Variants in DMD observed in about 807,000 individuals in gnomAD.
The protein encoded by DMD is dystrophin, also known as mutant dystrophin.
In DMD, 63 loss-of-function variants were observed where a neutral mutation model predicts 330.1. The observed-to-expected ratio is 0.19, with a 90% confidence interval of 0.16 to 0.24. The LOEUF (loss-of-function observed/expected upper bound fraction) is 0.24. Ranked by LOEUF, DMD falls within the 10% of genes least tolerant of loss-of-function variation. DMD has a pLI of 1.00. For synonymous variants in DMD, 1,223 were observed against 959.8 expected, an observed-to-expected ratio of 1.27 and a Z score of -5.07; for missense variants, 3,344 against 2,684.1, an observed-to-expected ratio of 1.25 and a Z score of -5.43.
intron 67 of DMD, among the ~76,000 whole-genome samples, chrX:31,203,747 C>T (rs1020154177): frequency 9.0e-6 from 1 of 111,527 alleles, no homozygotes; most frequent in South Asian, 3.8e-4. Context: ...GTCCCTGCTG[C>T]AGATGGAGAT....
chrX:31,149,687 T>C (rs1037308444), intron 74 of DMD, among the ~76,000 whole-genome samples: 1 of 111,950 alleles, frequency 8.9e-6, no homozygotes, highest in African/African-American at 3.2e-5. Context: ...CATTGATTTT[T>C]TATTTTTAAT....
rs780448549 is a variant in DMD at position 32,809,620 on chromosome X, C to A, written c.531-9G>T. The A allele has an allele frequency of 2.6e-6, 3 of 1,138,169 alleles. No individual in the cohort carries two copies. Among genetic ancestry groups the A allele is most frequent in the East Asian group, 3.0e-5 (1 of 33,495 alleles). The allele number at this position is 1,138,169 out of a possible 1,213,427, so 93.8% of individuals were successfully genotyped here. A position where few individuals can be genotyped will look rare whatever the true frequency, so the allele number is the denominator to read the frequency against. ...AGTCAAATAGGTCTGGCCTAAAACACATACACATACACACATACACAAAGA... is the reference window on the plus strand; with the variant it reads ...AGTCAAATAGGTCTGGCCTAAAACAAATACACATACACACATACACAAAGA... On this transcript the variant is annotated splice_polypyrimidine_tract_variant and intron_variant, in intron 6 of 78. Coordinates refer to ENST00000357033, the MANE Select transcript of DMD (RefSeq NM_004006.3).
intron 34 of DMD, among the ~76,000 whole-genome samples, chrX:32,378,739 C>T (rs1450238694): frequency 1.8e-5 from 2 of 110,484 alleles, no homozygotes; most frequent in African/African-American, 6.5e-5. Flanking sequence ...TTGGAATGAT[C>T]GGCAACTACA....
intron 37 of DMD, among the ~76,000 whole-genome samples, chrX:32,349,331 A>G (rs905308293): frequency 1.8e-5 from 2 of 111,665 alleles, no homozygotes; most frequent in African/African-American, 6.5e-5. Flanking sequence ...TTAATAAAAT[A>G]CATTGATACT....
intron 18 of DMD, among the ~76,000 whole-genome samples, chrX:32,513,641 G>T (rs890000304): frequency 2.7e-5 from 3 of 111,355 alleles, no homozygotes; most frequent in Non-Finnish European, 5.7e-5. Flanking sequence ...GAATAAAGGA[G>T]GTCTGGGGAA....
chrX:32,126,077 C>T (rs991266092), intron 44 of DMD, among the ~76,000 whole-genome samples: 3 of 111,939 alleles, frequency 2.7e-5, no homozygotes, highest in African/African-American at 6.5e-5. Flanking sequence ...TTCACACTTA[C>T]GGGTAGAGAG....
At chrX:31,353,488 G>T (rs2058525899) in intron 60 of DMD, among the ~76,000 whole-genome samples, 1 of 111,914 alleles carries the variant, frequency 8.9e-6, no homozygotes, top group Non-Finnish European at 1.9e-5. Context: ...CAATGTAAAA[G>T]AAGGTACATA....
intron 43 of DMD, among the ~76,000 whole-genome samples, chrX:32,272,745 C>T (rs2097369964): frequency 2.7e-5 from 3 of 112,060 alleles, no homozygotes; most frequent in Admixed American, 1.9e-4. Flanking sequence ...GAACCCATGC[C>T]TGGCACATAG....
intron 45 of DMD, among the ~76,000 whole-genome samples, chrX:31,967,847 T>C (rs1008602705): frequency 5.2e-4 from 58 of 111,961 alleles, no homozygotes; most frequent in African/African-American, 1.8e-3. Context: ...ATTAAACTTG[T>C]ACCTCTTTGG....
At chrX:31,596,345 C>T (rs2077113707) in intron 55 of DMD, among the ~76,000 whole-genome samples, 1 of 111,750 alleles carries the variant, frequency 8.9e-6, no homozygotes, top group Non-Finnish European at 1.9e-5. Context: ...AAATTTCAAG[C>T]GATGATGAAT....
intron 1 of DMD, among the ~76,000 whole-genome samples, chrX:33,141,412 G>T (rs9887129): frequency 0.078 from 8,662 of 110,942 alleles, 363 homozygotes; most frequent in South Asian, 0.2. Context: ...GTCAAAAGTT[G>T]TAAACGAGCA....
At chrX:31,278,796 G>A (rs1283249038) in intron 62 of DMD, among the ~76,000 whole-genome samples, 2 of 112,026 alleles carry the variant, frequency 1.8e-5, no homozygotes, top group Admixed American at 1.9e-4. Context: ...TGGCAAGTGT[G>A]TGCCTGACAG....
chrX:32,723,393 G>C (rs182533485), intron 7 of DMD, among the ~76,000 whole-genome samples: 12 of 110,652 alleles, frequency 1.1e-4, no homozygotes, highest in Non-Finnish European at 1.9e-4. Flanking sequence ...CTTCTCTTGC[G>C]GTGTCTGTTT....
At chrX:32,173,228 A>C (rs1399701775) in intron 44 of DMD, among the ~76,000 whole-genome samples, 1 of 109,995 alleles carries the variant, frequency 9.1e-6, no homozygotes, top group African/African-American at 3.3e-5. Context: ...TCATGAGTAC[A>C]GTAGTATCCC....
At chrX:32,651,706 C>CCTTATTT (rs2060168216) in intron 9 of DMD, among the ~76,000 whole-genome samples, 1 of 111,571 alleles carries the variant, frequency 9.0e-6, no homozygotes, top group Non-Finnish European at 1.9e-5. Flanking sequence ...TCCATGATGT[C>CCTTATTT]CTTATTTCAC....
At chrX:32,547,857 G>A (rs1412787189) in intron 16 of DMD, among the ~76,000 whole-genome samples, 6 of 111,134 alleles carry the variant, frequency 5.4e-5, no homozygotes, top group Non-Finnish European at 1.1e-4. Flanking sequence ...ACAACCAGAG[G>A]AATCCTGCCT....
intron 7 of DMD, among the ~76,000 whole-genome samples, chrX:32,726,157 T>C (rs1368354274): frequency 1.8e-5 from 2 of 111,456 alleles, no homozygotes; most frequent in African/African-American, 6.5e-5. Context: ...ATGACACTAC[T>C]ATAAACTATT....
intron 63 of DMD, among the ~76,000 whole-genome samples, chrX:31,254,804 C>G (rs755723078): frequency 1.1e-4 from 12 of 110,590 alleles, no homozygotes; most frequent in Non-Finnish European, 2.1e-4. Context: ...CTGTGGGAGG[C>G]CAAGGTGGGA....
rs186238707 is a variant in DMD at position 32,555,542 on chromosome X, C to T, written c.1992+10160G>A. Among the ~76,000 whole-genome samples the T allele has an allele frequency of 4.9e-3, 547 of 111,466 alleles. 1 individual carries two copies. Among genetic ancestry groups the T allele is most frequent in the Middle Eastern group, 0.023 (5 of 214 alleles). On this transcript the variant is annotated intron_variant, in intron 16 of 78. Transcript: ENST00000357033. ...GACATGAACCTATATCCAGAAAACC[C>T]CCATTGTCTCAGCCCAAAAGCTAAG... is the stretch of plus-strand genomic sequence containing the variant.
Sources: allele counts gnomAD v4.1 joint callset (sites outside exome capture counted in the v4.1 genomes callset), GRCh38; gene constraint gnomAD v4.1.1; transcripts MANE v1.5; gene names NCBI Gene and HGNC (gene_info 2026-07-23, HGNC 2026-07-21).